The following TDRD9 variants were observed in gnomAD, a reference collection of about 807,000 sequenced individuals.
TDRD9 encodes the protein ATP-dependent RNA helicase TDRD9.
In TDRD9, 124 loss-of-function variants were observed where a neutral mutation model predicts 172.6. The observed-to-expected ratio is 0.72, with a 90% CI of 0.62 to 0.83. The LOEUF (loss-of-function observed/expected upper bound fraction) is 0.83. Among genes scored for constraint, TDRD9 ranks in the 40% least tolerant of loss-of-function variants. The pLI is 0.00. For missense variants in TDRD9, 1,479 were observed against 1,714.1 expected (o/e 0.86, Z 2.42); for synonymous variants, 619 against 617.1 (o/e 1.00, Z -0.05).
intron 25 of TDRD9, 129 bp from the exon 26 acceptor site, chr14:104,025,435 T>G: frequency 1.4e-6 from 1 of 703,388 alleles, no homozygotes; most frequent in Non-Finnish European, 2.4e-6. Flanking sequence ...TGTAAATACT[T>G]ATGTTCCGAG....
At chr14:103,940,926 C>G in intron 1 of TDRD9, 1 of 1,535,436 alleles carries the variant, frequency 6.5e-7, no homozygotes, top group Non-Finnish European at 8.7e-7. Context: ...TGTCTGCCCT[C>G]TTGGAGCTGT....
chr14:103,985,552 C>T, intron 7 of TDRD9, among the ~76,000 whole-genome samples: 1 of 152,116 alleles, frequency 6.6e-6, no homozygotes, highest in Non-Finnish European at 1.5e-5. Flanking sequence ...CACAGCCTGA[C>T]TTGGGGAGTT....
At chr14:103,944,743 T>A (rs2031468685) in intron 1 of TDRD9, among the ~76,000 whole-genome samples, 1 of 152,008 alleles carries the variant, frequency 6.6e-6, no homozygotes, top group Non-Finnish European at 1.5e-5. Flanking sequence ...TTTTTGTATT[T>A]TTAGTAGAGA....
intron 4 of TDRD9, among the ~76,000 whole-genome samples, chr14:103,965,913 C>G (rs1566744983): frequency 6.6e-6 from 1 of 151,744 alleles, no homozygotes; most frequent in South Asian, 2.1e-4. Flanking sequence ...CCACTGCACT[C>G]CAGCATGGGC....
chr14:103,994,996 C>T (rs1221696932), intron 11 of TDRD9, among the ~76,000 whole-genome samples: 1 of 150,822 alleles, frequency 6.6e-6, no homozygotes, highest in Non-Finnish European at 1.5e-5. Context: ...GCAGTGTGTT[C>T]TGTAGTTAGT....
In TDRD9 at chr14:103,998,693, G is replaced by A. The variant is rs1319326484; in HGVS notation, c.1448G>A (p.Ser483Asn). 18 of 1,609,528 alleles carry A rather than the reference G, an allele frequency of 1.1e-5. No homozygotes were observed. The highest frequency in any genetic ancestry group is 1.7e-5 in the Admixed American group (1 of 59,972). ...EDTNYQSLRL[S>N]WASKTSCNQR... ...ACAAATTATCAGAGTCTGCGATTGA[G>A]TTGGGCTTCTAAAACCAGCTGTAAT... The change falls in exon 13 of 36, where the codon AGT (serine) becomes AAT (asparagine). Residue 483 changes from serine (S) to asparagine (N), a missense_variant. Around this residue, in one of 3 missense-constraint regions of TDRD9, gnomAD observed 1,413 missense variants for 1,649.1 expected, o/e 0.86. Coordinates refer to ENST00000409874, the MANE Select transcript of TDRD9 (RefSeq NM_153046.3).
At chr14:104,018,220 A>G (rs767011873) in intron 23 of TDRD9, 28 bp downstream of exon 23, 17 of 1,322,264 alleles carry the variant, frequency 1.3e-5, no homozygotes, top group African/African-American at 2.9e-5. Flanking sequence ...ATCAACTGCA[A>G]TTATGAAGGA....
At position 103,999,680 on chromosome 14, in the gene TDRD9, AGAAT is replaced by A. The variant is rs2034193407; in HGVS notation, c.1483+953_1483+956del. Among the ~76,000 whole-genome samples, 4 of 113,882 alleles carry A rather than the reference AGAAT, an allele frequency of 3.5e-5. 1 individual carries two copies. The highest frequency in any genetic ancestry group is 1.7e-4 in the Admixed American group (2 of 11,916). 74.7% of individuals were successfully genotyped at this position (113,882 alleles called of 152,430 possible). On this transcript the variant is annotated intron_variant, in intron 13 of 35. Transcript: ENST00000409874. ...GAAGGGTAGATAAAAGACCATTTCA[AGAAT>A]ACTAAAATACTAAATACACCCCCCA...
rs1023007004 is a variant in TDRD9, at chr14:104,026,111, G to A, written c.2996G>A (p.Cys999Tyr). The change falls in exon 27 of 36, where the codon TGT becomes TAT. Residue 999 changes from cysteine to tyrosine, a missense_variant. Transcript: ENST00000409874. Reference sequence around the variant, plus strand: ...CTACATCTTTTGATGGAGATTCCCTGTCAATTTCTTGAACTTCCTTTCCAG... The same window carrying A: ...CTACATCTTTTGATGGAGATTCCCTATCAATTTCTTGAACTTCCTTTCCAG... ...VDLHLLMEIPCQFLELPFQAL... is the reference protein window; with the variant it reads ...VDLHLLMEIPYQFLELPFQAL... 6.2e-7 allele frequency: 1 copy of A among 1,609,874 alleles called. No homozygotes were observed. Among genetic ancestry groups the A allele is most frequent in the Non-Finnish European group, 8.5e-7 (1 of 1,176,240 alleles).
chr14:103,968,748 A>G (rs2032870043), intron 5 of TDRD9, among the ~76,000 whole-genome samples: 2 of 113,656 alleles, frequency 1.8e-5, no homozygotes, highest in Admixed American at 1.1e-4. Context: ...GTGAGCTGAG[A>G]TTGCGCCACT....
chr14:103,975,539 A>G lies in TDRD9; in HGVS notation c.997A>G (p.Ile333Val), dbSNP rs779238866. Reference protein sequence around the residue: ...EEYYLNDLEHIHHSKLSPHLL... With the variant: ...EEYYLNDLEHVHHSKLSPHLL... The stretch of plus-strand genomic sequence containing the variant: ...GTATTATCTTAATGATTTGGAGCAC[A>G]TTCATCATAGCAAGGTATGTTAGAA... Residue 333 changes from isoleucine to valine, a missense_variant, in exon 7 of 36, where the codon ATT becomes GTT. Ile to Val is a conservative substitution (Grantham distance 29). Around this residue, in one of 3 missense-constraint regions of TDRD9, gnomAD observed 1,413 missense variants for 1,649.1 expected, o/e 0.86. Coordinates refer to ENST00000409874, the MANE Select transcript of TDRD9 (RefSeq NM_153046.3). 3 of 1,608,050 alleles carry G rather than the reference A, an allele frequency of 1.9e-6. No homozygotes were observed. The highest frequency in any genetic ancestry group is 2.2e-5 in the South Asian group (2 of 90,054).
In TDRD9 at chr14:103,938,432, A is replaced by ATTTTTTTTT. The variant is rs1343962171; in HGVS notation, c.215+9709_215+9710insTTTTTTTTT. On this transcript the variant is annotated intron_variant, in intron 1 of 35. Transcript: ENST00000409874. ...TGTGTGTGTATATATATATATATAT[A>ATTTTTTTTT]TATATATATTTTTTTTTTTTTTTTG... Among the ~76,000 whole-genome samples, 5 of 37,164 alleles carry ATTTTTTTTT rather than the reference A, an allele frequency of 1.3e-4. 1 individual carries two copies. The highest frequency in any genetic ancestry group is 5.3e-4 in the African/African-American group (5 of 9,460). The allele number at this position is 37,164 out of a possible 152,430, so 24.4% of individuals were successfully genotyped here.
chr14:103,966,356 A>G lies in TDRD9; in HGVS notation c.643-353A>G, dbSNP rs73352479. The stretch of plus-strand genomic sequence containing the variant: ...GAAAAGAAAAAAAGAATTTCTTGAA[A>G]ATAAATTGTAATTTCTTTCCAGTTG... On this transcript the variant is annotated intron_variant, in intron 4 of 35. Coordinates refer to ENST00000409874, the MANE Select transcript of TDRD9 (RefSeq NM_153046.3). 1.3e-3 allele frequency among the ~76,000 whole-genome samples: 192 copies of G among 152,372 alleles called. 1 individual carries two copies. Among genetic ancestry groups the G allele is most frequent in the African/African-American group, 4.5e-3 (187 of 41,582 alleles).
At chr14:104,023,531 G>T (rs1417400305) in intron 24 of TDRD9, among the ~76,000 whole-genome samples, 3 of 152,232 alleles carry the variant, frequency 2.0e-5, no homozygotes, top group South Asian at 2.1e-4. Flanking sequence ...GGGCTGGTCA[G>T]CCCAGGGCAG....
chr14:103,941,150 T>A (rs556423772), intron 1 of TDRD9: 1 of 1,378,050 alleles, frequency 7.3e-7, no homozygotes, highest in Non-Finnish European at 9.8e-7. Flanking sequence ...CATTTTTTGT[T>A]ATATCTCTTT....
chr14:103,975,680 T>A (rs1231349731), intron 7 of TDRD9, 127 bp downstream of exon 7: 1 of 928,250 alleles, frequency 1.1e-6, no homozygotes, highest in Non-Finnish European at 1.5e-6. Context: ...GCATACTAAG[T>A]GTACATATTT....
intron 3 of TDRD9, among the ~76,000 whole-genome samples, chr14:103,965,057 C>A (rs371896416): frequency 2.0e-5 from 3 of 151,986 alleles, no homozygotes; most frequent in South Asian, 2.1e-4. Context: ...ACCAGAAATA[C>A]AAAAATTAGC....
At position 103,985,354 on chromosome 14, in the gene TDRD9, G is replaced by T. The variant is rs143477959; in HGVS notation, c.1012-863G>T. ...TCCTTCCTGTGCTGTTCTTATGATA[G>T]TGAGTAAGTCTCATGAAATCCGATG... On this transcript the variant is annotated intron_variant, in intron 7 of 35. Transcript: ENST00000409874. Among the ~76,000 whole-genome samples, 1,081 of 152,304 alleles carry T rather than the reference G, an allele frequency of 7.1e-3. 11 individuals are homozygous for T. The highest frequency in any genetic ancestry group is 0.024 in the African/African-American group (1,017 of 41,564).
At chr14:103,945,840 A>T (rs932561553) in intron 1 of TDRD9, among the ~76,000 whole-genome samples, 1 of 152,244 alleles carries the variant, frequency 6.6e-6, no homozygotes, top group African/African-American at 2.4e-5. Context: ...TGGAACCTTG[A>T]AAAGCAAGCT....
Sources: gnomAD v4.1 joint callset for allele counts (sites outside exome capture counted in the v4.1 genomes callset) on GRCh38, gnomAD v4.1.1 for gene constraint, gnomAD v4.1.1 regional missense constraint, MANE v1.5 for transcripts, NCBI Gene and HGNC (gene_info 2026-07-23, HGNC 2026-07-21) for gene names.